Variants in SLC52A3 observed in about 807,000 individuals in gnomAD.
SLC52A3 encodes the protein solute carrier family 52 member 3.
SLC52A3 carries 20 observed loss-of-function variants against 29.5 expected under a neutral mutation model. That is an observed-to-expected ratio of 0.68 (90% CI 0.48 to 0.99). The LOEUF is 0.99. Among genes scored for constraint, SLC52A3 ranks in the 50% least tolerant of loss-of-function variants. The pLI is 0.00. For synonymous variants in SLC52A3, 301 were observed against 271.0 expected, an observed-to-expected ratio of 1.11 and a Z score of -1.09; for missense variants, 548 against 612.9, an observed-to-expected ratio of 0.89 and a Z score of 1.12.
chr20:778,385 C>T (rs2122563671), upstream of SLC52A3, among the ~76,000 whole-genome samples: 1 of 152,272 alleles, frequency 6.6e-6, no homozygotes, highest in Admixed American at 6.5e-5. Flanking sequence ...CCTCACCCTC[C>T]CATAACTGTG....
At chr20:771,608 A>G (rs1986842062), upstream of SLC52A3, among the ~76,000 whole-genome samples, 1 of 152,002 alleles carries the variant, frequency 6.6e-6, no homozygotes, top group Admixed American at 6.6e-5. Context: ...TTTGATCAAA[A>G]ATCAAAATTT....
At position 763,396 on chromosome 20, in the gene SLC52A3, C is replaced by A. The variant is rs1276805551; in HGVS notation, c.1073+102G>T. Reference sequence around the variant, plus strand: ...GACCAGGGTGCTCCCCAAACATGTTCTTAACCACTACATGTACAGCCCAGT... The same window carrying A: ...GACCAGGGTGCTCCCCAAACATGTTATTAACCACTACATGTACAGCCCAGT... On this transcript the variant is annotated intron_variant, in intron 3 of 4. Coordinates refer to ENST00000645534, the MANE Select transcript of SLC52A3 (RefSeq NM_033409.4). 6 of 1,500,546 alleles carry A rather than the reference C, an allele frequency of 4.0e-6. No homozygotes were observed. The East Asian group carries it at 1.2e-4, about 29-fold the overall frequency. 93.0% of individuals were successfully genotyped at this position (1,500,546 alleles called of 1,614,324 possible). A position where few individuals can be genotyped will look rare whatever the true frequency, so the allele number is the denominator to read the frequency against.
At chr20:778,733 T>C (rs1162048054), upstream of SLC52A3, among the ~76,000 whole-genome samples, 2 of 151,516 alleles carry the variant, frequency 1.3e-5, no homozygotes, top group African/African-American at 2.4e-5. Context: ...CTTCTTCTTT[T>C]TTTTTTTTTT....
In SLC52A3 at chr20:765,876, G is replaced by C; in HGVS notation, c.-51-51C>G. The C allele has an allele frequency of 8.5e-7, 1 of 1,171,732 alleles. No homozygotes were observed. The highest frequency in any genetic ancestry group is 1.2e-6 in the Non-Finnish European group (1 of 802,212). 72.6% of individuals were successfully genotyped at this position (1,171,732 alleles called of 1,614,324 possible). On this transcript the variant is annotated intron_variant, in intron 1 of 4. Transcript: ENST00000645534. This position sits in a 1 kb window ranked among gnomAD's most constrained non-coding sequence, Gnocchi z 6.6. ...TAATTCCAGCTTCACCACCTAGCAA[G>C]ATGCTGGGACCTGGGGCCCAGAGTT...
chr20:774,613 T>C (rs1391775116), intron 1 of SLC52A3, among the ~76,000 whole-genome samples: 3 of 152,068 alleles, frequency 2.0e-5, no homozygotes, highest in Non-Finnish European at 4.4e-5. Flanking sequence ...AATGAGAAGC[T>C]GCGGCTGAGA....
upstream of SLC52A3, among the ~76,000 whole-genome samples, chr20:769,996 C>T (rs1436662190): frequency 6.6e-6 from 1 of 152,184 alleles, no homozygotes; most frequent in African/African-American, 2.4e-5. Flanking sequence ...TGCACATGGC[C>T]ATGTCATCAA....
chr20:763,616 G>C lies in SLC52A3; in HGVS notation c.955C>G (p.Pro319Ala). Reference protein sequence around the residue: ...FVNALTNGMLPSVQTYSCLSY... With the variant: ...FVNALTNGMLASVQTYSCLSY... ...AGGCAGGAGTAGGTCTGCACAGAGG[G>C]CAGCATGCCGTTGGTGAGCGCGTTG... Residue 319 changes from proline (P) to alanine (A), a missense_variant, in exon 3 of 5, where the codon CCC (proline) becomes GCC (alanine). Pro to Ala is a conservative substitution (Grantham distance 27, BLOSUM62 -1). Around this residue, in one of 2 missense-constraint regions of SLC52A3, gnomAD observed 375 missense variants for 471.1 expected, o/e 0.80. Transcript: ENST00000645534. 6.2e-7 allele frequency: 1 copy of C among 1,614,206 alleles called. No individual in the cohort carries two copies. Among genetic ancestry groups the C allele is most frequent in the Non-Finnish European group, 8.5e-7 (1 of 1,180,030 alleles).
chr20:775,137 G>A (rs759553494), intron 1 of SLC52A3, among the ~76,000 whole-genome samples: 57 of 152,248 alleles, frequency 3.7e-4, no homozygotes, highest in Non-Finnish European at 5.6e-4. Flanking sequence ...GCCTCCCCCA[G>A]GCCAGTTCCC....
upstream of SLC52A3, among the ~76,000 whole-genome samples, chr20:777,698 G>A (rs979345313): frequency 6.6e-6 from 1 of 152,184 alleles, no homozygotes. Context: ...TGCTTGGGGC[G>A]AGAGGTGAGC....
At chr20:772,692 T>C (rs1986881406), upstream of SLC52A3, among the ~76,000 whole-genome samples, 1 of 152,076 alleles carries the variant, frequency 6.6e-6, no homozygotes. Flanking sequence ...AACTGTGTGC[T>C]CAACCACAAT....
Position 761,822 on chromosome 20 carries a change from G to A in SLC52A3, c.1076C>T (p.Ser359Phe). The A allele has an allele frequency of 6.2e-7, 1 of 1,614,200 alleles. No individual in the cohort carries two copies. The part of the protein sequence containing the change: ...SLVSMFLPNR[S>F]LLFLGVLSVL... The stretch of plus-strand genomic sequence containing the variant: ...GGAGAGGACCCCCAGGAACAGCAGA[G>A]ACCTAGAGGAAAGTAGGGGAGGTGA... Residue 359 changes from serine to phenylalanine, a missense_variant and splice_region_variant, in exon 4 of 5, where the codon TCT (serine) becomes TTT (phenylalanine). Physicochemically the swap from Ser to Phe is radical, Grantham distance 155. Around this residue, in one of 2 missense-constraint regions of SLC52A3, gnomAD observed 375 missense variants for 471.1 expected, o/e 0.80. Transcript: ENST00000645534.
Position 765,380 on chromosome 20 carries a change from C to A in SLC52A3, c.395G>T (p.Arg132Leu), listed in dbSNP as rs142157418. 2 of 1,614,062 alleles carry A rather than the reference C, an allele frequency of 1.2e-6. No homozygotes were observed. Among genetic ancestry groups the A allele is most frequent in the South Asian group, 1.1e-5 (1 of 91,072 alleles). ...SSVTFLPFMS[R>L]LPTYYLTTFF... ...GGTGGTGAGGTAGTAGGTGGGCAGCCGGCTCATGAACGGCAGGAAGGTCAC... is the reference window on the plus strand; with the variant it reads ...GGTGGTGAGGTAGTAGGTGGGCAGCAGGCTCATGAACGGCAGGAAGGTCAC... The change falls in exon 2 of 5, where the codon CGG (arginine) becomes CTG (leucine). Residue 132 changes from arginine to leucine, a missense_variant. By Grantham distance (102) the Arg-to-Leu change is moderately radical. This residue lies in a region of SLC52A3 where 375 missense variants were observed against 471.1 expected (regional missense o/e 0.80). Transcript: ENST00000645534. This position sits in a 1 kb window ranked among gnomAD's most constrained non-coding sequence, Gnocchi z 6.6.
chr20:761,395 G>C, intron 4 of SLC52A3, 157 bp from the exon 5 acceptor site: 1 of 891,418 alleles, frequency 1.1e-6, no homozygotes, highest in Non-Finnish European at 1.7e-6. Context: ...CGGGTCCCAT[G>C]AGTTGGCCGC....
chr20:770,155 GT>G (rs71191969), upstream of SLC52A3, among the ~76,000 whole-genome samples: 23,690 of 143,098 alleles, frequency 0.17, 1,831 homozygotes, highest in African/African-American at 0.22. This position sits in a 1 kb window ranked among gnomAD's most constrained non-coding sequence, Gnocchi z 4.5. Context: ...TCTGACTGCT[GT>G]TTTTTTTTTT....
At chr20:761,410 G>C (rs948040161) in intron 4 of SLC52A3, 172 bp from the exon 5 acceptor site, 1 of 815,102 alleles carries the variant, frequency 1.2e-6, no homozygotes, top group Non-Finnish European at 1.9e-6. Context: ...GGCCGCCCGG[G>C]GGCGAAGGAG....
chr20:774,661 G>C (rs954478045), intron 1 of SLC52A3, among the ~76,000 whole-genome samples: 1 of 152,206 alleles, frequency 6.6e-6, no homozygotes, highest in African/African-American at 2.4e-5. Flanking sequence ...GAGGCAGCTG[G>C]GGCGCTGGGA....
chr20:767,515 C>A (rs1986723952), intron 1 of SLC52A3, among the ~76,000 whole-genome samples: 2 of 152,034 alleles, frequency 1.3e-5, no homozygotes, highest in Admixed American at 6.6e-5. Flanking sequence ...ACCACTACGC[C>A]CAGCTAATTT....
upstream of SLC52A3, among the ~76,000 whole-genome samples, chr20:777,490 G>T (rs1199303042): frequency 6.6e-6 from 1 of 152,152 alleles, no homozygotes; most frequent in African/African-American, 2.4e-5. Flanking sequence ...ACAGTGCTAC[G>T]GCCTGTAAGT....
At chr20:778,340 A>C (rs1213724446), upstream of SLC52A3, among the ~76,000 whole-genome samples, 1 of 152,016 alleles carries the variant, frequency 6.6e-6, no homozygotes, top group Non-Finnish European at 1.5e-5. Context: ...TCTGCACAGG[A>C]AGACAACCAT....
Sources: gnomAD v4.1 joint callset for allele counts (sites outside exome capture counted in the v4.1 genomes callset) on GRCh38, gnomAD v4.1.1 for gene constraint, gnomAD v4.1.1 regional missense constraint, Gnocchi (gnomAD v3.1) non-coding constraint, MANE v1.5 for transcripts, NCBI Gene and HGNC (gene_info 2026-07-23, HGNC 2026-07-21) for gene names.